Variants in ESRRG observed in about 807,000 individuals in gnomAD.
ESRRG encodes estrogen related receptor gamma.
ESRRG carries 13 observed loss-of-function variants against 44.0 expected under a neutral mutation model. The observed-to-expected ratio is 0.30, with a 90% CI of 0.19 to 0.47. The LOEUF is 0.47. ESRRG is among the 20% of genes least tolerant of loss of function. ESRRG has a pLI of 1.00. For missense variants in ESRRG, 395 were observed against 580.6 expected (o/e 0.68, Z 3.29); for synonymous variants, 215 against 214.6 (o/e 1.00, Z -0.02).
intron 2 of ESRRG, chr1:216,863,364 A>G (rs1171622138): frequency 7.9e-5 from 12 of 152,204 alleles, no homozygotes; most frequent in African/African-American, 2.9e-4. Context: ...AATGAAATAG[A>G]ATTCAAGTGA....
chr1:217,095,966 A>G (rs981760153), intron 1 of ESRRG, among the ~76,000 whole-genome samples: 1 of 152,272 alleles, frequency 6.6e-6, no homozygotes, highest in South Asian at 2.1e-4. Flanking sequence ...TCAGTAAATT[A>G]GTGATGGCTT....
chr1:217,060,957 A>T (rs2088307965), intron 1 of ESRRG, among the ~76,000 whole-genome samples: 1 of 149,454 alleles, frequency 6.7e-6, no homozygotes, highest in Non-Finnish European at 1.5e-5. Flanking sequence ...CCATTATTCT[A>T]TTTTGAAATA....
intron 2 of ESRRG, among the ~76,000 whole-genome samples, chr1:216,761,693 G>T (rs1035242767): frequency 6.6e-6 from 1 of 152,150 alleles, no homozygotes; most frequent in East Asian, 1.9e-4. Context: ...AGCATTAAAA[G>T]GCTGTGCTTT....
chr1:216,807,357 T>A (rs1370964514), intron 2 of ESRRG, among the ~76,000 whole-genome samples: 1 of 152,152 alleles, frequency 6.6e-6, no homozygotes, highest in Non-Finnish European at 1.5e-5. Context: ...GGTCTGATAG[T>A]CATATTAGAA....
chr1:216,877,402 T>C (rs2096374264), intron 2 of ESRRG, among the ~76,000 whole-genome samples: 1 of 151,250 alleles, frequency 6.6e-6, no homozygotes, highest in Non-Finnish European at 1.5e-5. Flanking sequence ...TGTTTGTTTG[T>C]TTGTTTGTTT....
chr1:216,509,529 C>T (rs1415801841), intron 6 of ESRRG, among the ~76,000 whole-genome samples: 1 of 152,160 alleles, frequency 6.6e-6, no homozygotes, highest in Non-Finnish European at 1.5e-5. Context: ...TACCCATAGT[C>T]TTGCCTTTCC....
At chr1:216,557,502 T>C (rs1247425181) in intron 5 of ESRRG, among the ~76,000 whole-genome samples, 2 of 152,270 alleles carry the variant, frequency 1.3e-5, no homozygotes, top group African/African-American at 4.8e-5. Flanking sequence ...CAACGGTGTG[T>C]GTCAAGGTTC....
At chr1:216,615,568 CA>C (rs2061312426) in intron 3 of ESRRG, among the ~76,000 whole-genome samples, 1 of 152,150 alleles carries the variant, frequency 6.6e-6, no homozygotes, top group Admixed American at 6.5e-5. Flanking sequence ...ACTGAAAAGT[CA>C]ACTCTGTGTT....
chr1:216,569,197 G>A (rs1020211594), intron 3 of ESRRG, among the ~76,000 whole-genome samples: 1 of 93,590 alleles, frequency 1.1e-5, no homozygotes, highest in African/African-American at 4.3e-5. Context: ...GAAGGGAAAG[G>A]AAAGGAAAGG....
chr1:216,616,336 G>A (rs2150386899), intron 3 of ESRRG, among the ~76,000 whole-genome samples: 1 of 152,260 alleles, frequency 6.6e-6, no homozygotes, highest in African/African-American at 2.4e-5. Flanking sequence ...GGGGGAATGG[G>A]CGCAGTGACA....
intron 1 of ESRRG, among the ~76,000 whole-genome samples, chr1:216,948,492 A>G (rs555513440): frequency 2.7e-4 from 41 of 151,086 alleles, no homozygotes; most frequent in South Asian, 1.3e-3. Flanking sequence ...AAAAAAAAAA[A>G]AAAGAAAGAA....
chr1:216,707,290 T>C (rs2082641596), intron 1 of ESRRG: 1 of 1,505,356 alleles, frequency 6.6e-7, no homozygotes, highest in Non-Finnish European at 8.9e-7. Flanking sequence ...ACAAGTAACG[T>C]TGAGCATTTT....
In ESRRG at chr1:217,026,912, C is replaced by CACACACACACAGAGAGAGAGAGAGAG. The variant is rs1255637839; in HGVS notation, c.-106+62594_-106+62595insCTCTCTCTCTCTCTCTGTGTGTGTGT. On this transcript the variant is annotated intron_variant, in intron 1 of 7. Coordinates refer to the ESRRG transcript ENST00000359162. ...ATACACACACACACACACACACACA[C>CACACACACACAGAGAGAGAGAGAGAG]AGAGAGAGAGAGAGAGAGAGAGAGA... 5.8e-3 allele frequency among the ~76,000 whole-genome samples: 537 copies of CACACACACACAGAGAGAGAGAGAGAG among 93,250 alleles called. 6 individuals carry two copies. Among genetic ancestry groups the CACACACACACAGAGAGAGAGAGAGAG allele is most frequent in the Non-Finnish European group, 8.4e-3 (389 of 46,214 alleles). 61.2% of individuals were successfully genotyped at this position (93,250 alleles called of 152,430 possible).
In ESRRG at chr1:216,887,918, G is replaced by A. The variant is rs145418022; in HGVS notation, c.-14+51664C>T. Among the ~76,000 whole-genome samples the A allele has an allele frequency of 4.6e-4, 70 of 152,202 alleles. 1 individual carries two copies. The East Asian group carries it at 0.013, about 29-fold the overall frequency. On this transcript the variant is annotated intron_variant, in intron 2 of 7. Coordinates refer to the ESRRG transcript ENST00000359162. The stretch of plus-strand genomic sequence containing the variant: ...GACAAAAAGGAGCTAAATCTTAGAT[G>A]CAGTGAAGTTCTATTCACTTTGAAT...
intron 2 of ESRRG, among the ~76,000 whole-genome samples, chr1:216,667,696 AAAAAAAAAAAAAAGATAG>A (rs2074255901): frequency 6.8e-6 from 1 of 147,466 alleles, no homozygotes; most frequent in Admixed American, 6.7e-5. Flanking sequence ...AAAAAAAAAA[AAAAAAAAAAAAAAGATAG>A]AACGAAGTTG....
chr1:216,606,839 T>C (rs2059995065), intron 3 of ESRRG, among the ~76,000 whole-genome samples: 1 of 152,186 alleles, frequency 6.6e-6, no homozygotes, highest in South Asian at 2.1e-4. Context: ...TAACTCTTCA[T>C]TGTTCATATA....
At chr1:216,965,148 T>TTA in intron 1 of ESRRG, among the ~76,000 whole-genome samples, 1 of 141,970 alleles carries the variant, frequency 7.0e-6, no homozygotes, top group Non-Finnish European at 1.6e-5. Flanking sequence ...AACCGAAAAG[T>TTA]TACACATATG....
intron 2 of ESRRG, among the ~76,000 whole-genome samples, chr1:216,899,770 G>A (rs2058847950): frequency 6.6e-6 from 1 of 152,084 alleles, no homozygotes; most frequent in Admixed American, 6.6e-5. Flanking sequence ...GGGAAGACAG[G>A]GAATGTTTGG....
chr1:216,826,943 C>A (rs2095407727), intron 2 of ESRRG, among the ~76,000 whole-genome samples: 1 of 152,154 alleles, frequency 6.6e-6, no homozygotes, highest in African/African-American at 2.4e-5. Flanking sequence ...CCTTTAAGCT[C>A]ATCTCTCTTT....
Sources: allele counts gnomAD v4.1 joint callset (sites outside exome capture counted in the v4.1 genomes callset), GRCh38; gene constraint gnomAD v4.1.1; transcripts MANE v1.5; gene names NCBI Gene and HGNC (gene_info 2026-07-23, HGNC 2026-07-21).